Variants in MKLN1 observed in about 807,000 individuals in gnomAD.
MKLN1 encodes the protein muskelin.
MKLN1 carries 18 observed loss-of-function variants against 99.0 expected under a neutral mutation model. That is an observed-to-expected ratio of 0.18 (90% CI 0.13 to 0.27). The LOEUF is 0.27. MKLN1 is among the 10% of genes least tolerant of loss of function. The pLI is 1.00. For missense variants in MKLN1, 621 were observed against 875.9 expected, an observed-to-expected ratio of 0.71 and a Z score of 3.67; for synonymous variants, 288 against 293.2, an observed-to-expected ratio of 0.98 and a Z score of 0.18.
intron 10 of MKLN1, among the ~76,000 whole-genome samples, chr7:131,440,666 CAA>C (rs1482099975): frequency 2.6e-5 from 4 of 151,438 alleles, no homozygotes; most frequent in Non-Finnish European, 4.4e-5. Context: ...TAAGATAAAA[CAA>C]AGAGGTAAAA....
At chr7:131,386,544 T>C (rs1244149795) in intron 2 of MKLN1, among the ~76,000 whole-genome samples, 16 of 152,218 alleles carry the variant, frequency 1.1e-4, no homozygotes, top group Admixed American at 1.0e-3. Context: ...ATTTTTATAA[T>C]AGAGAACAGT....
intron 12 of MKLN1, among the ~76,000 whole-genome samples, chr7:131,449,217 C>T (rs550346353): frequency 6.6e-6 from 1 of 152,160 alleles, no homozygotes; most frequent in South Asian, 2.1e-4. Flanking sequence ...AGGAAGGAAC[C>T]TGGGATGTTC....
intron 3 of MKLN1, among the ~76,000 whole-genome samples, chr7:131,287,912 G>A (rs1798156979): frequency 6.6e-6 from 1 of 152,052 alleles, no homozygotes; most frequent in Non-Finnish European, 1.5e-5. Context: ...TCTCTCTCCT[G>A]ACGCCATGTG....
At chr7:131,383,601 A>C (rs936804033) in intron 2 of MKLN1, among the ~76,000 whole-genome samples, 6 of 152,228 alleles carry the variant, frequency 3.9e-5, no homozygotes, top group African/African-American at 1.2e-4. Context: ...TCAGATATAC[A>C]TAGATATAAA....
intron 9 of MKLN1, among the ~76,000 whole-genome samples, chr7:131,437,279 G>C (rs564405050): frequency 6.6e-6 from 1 of 151,952 alleles, no homozygotes; most frequent in African/African-American, 2.4e-5. Context: ...CTGTGTCCAA[G>C]TGATTAAACT....
At chr7:131,172,639 C>T (rs1236633613) in intron 2 of MKLN1, among the ~76,000 whole-genome samples, 1 of 152,046 alleles carries the variant, frequency 6.6e-6, no homozygotes, top group Non-Finnish European at 1.5e-5. Flanking sequence ...GATGAGCATA[C>T]CTGAAAACCT....
intron 3 of MKLN1, among the ~76,000 whole-genome samples, chr7:131,257,619 A>C (rs1411454333): frequency 6.6e-6 from 1 of 152,154 alleles, no homozygotes; most frequent in Non-Finnish European, 1.5e-5. Flanking sequence ...AACCAAGTGC[A>C]TTTGGGAGAA....
chr7:131,249,061 C>T (rs1014516933), intron 3 of MKLN1, among the ~76,000 whole-genome samples: 5 of 152,094 alleles, frequency 3.3e-5, no homozygotes, highest in African/African-American at 1.2e-4. Flanking sequence ...ACAATGATTC[C>T]AAATCTTGGA....
At chr7:131,192,109 T>TAATATATATATACGTATATATATAA (rs1554534675) in intron 2 of MKLN1, among the ~76,000 whole-genome samples, 1 of 80,332 alleles carries the variant, frequency 1.2e-5, no homozygotes, top group African/African-American at 6.0e-5. Flanking sequence ...TATATATATA[T>TAATATATATATACGTATATATATAA]TATATATATA....
chr7:131,245,194 A>AATGACATTTCGGTCATTATG (rs1797467463), intron 3 of MKLN1, among the ~76,000 whole-genome samples: 1 of 152,120 alleles, frequency 6.6e-6, no homozygotes, highest in Non-Finnish European at 1.5e-5. Context: ...GATACAGTCA[A>AATGACATTTCGGTCATTATG]GTGCTGCATA....
At chr7:131,136,419 A>G (rs927771124) in intron 1 of MKLN1, among the ~76,000 whole-genome samples, 1 of 152,244 alleles carries the variant, frequency 6.6e-6, no homozygotes, top group East Asian at 1.9e-4. Context: ...TTTGATGAAT[A>G]AGCAGGCTGT....
chr7:131,471,624 A>G (rs10229349), intron 16 of MKLN1: 7,699 of 152,114 alleles, frequency 0.051, 503 homozygotes, highest in African/African-American at 0.15. Flanking sequence ...TGTTTTTGTC[A>G]TTTTTTCCTT....
chr7:131,161,087 A>G (rs571201579), intron 2 of MKLN1, among the ~76,000 whole-genome samples: 103 of 152,260 alleles, frequency 6.8e-4, no homozygotes, highest in Non-Finnish European at 1.2e-3. Context: ...ATAGATGGGG[A>G]GTGACCATAA....
chr7:131,242,635 C>A, intron 3 of MKLN1: 1 of 550,332 alleles, frequency 1.8e-6, no homozygotes, highest in Non-Finnish European at 3.5e-6. Flanking sequence ...CTTGTTCTGG[C>A]TGGATGCTAT....
chr7:131,346,582 C>T (rs1584630928), intron 1 of MKLN1, among the ~76,000 whole-genome samples: 1 of 150,916 alleles, frequency 6.6e-6, no homozygotes, highest in Non-Finnish European at 1.5e-5. Flanking sequence ...ACCTTTGCAA[C>T]AATTATAAGG....
At chr7:131,172,398 C>A (rs1796229077) in intron 2 of MKLN1, among the ~76,000 whole-genome samples, 1 of 152,046 alleles carries the variant, frequency 6.6e-6, no homozygotes. Flanking sequence ...TCACTGGAAG[C>A]TCCACCTTCT....
chr7:131,305,565 G>A (rs1299653979), intron 3 of MKLN1, among the ~76,000 whole-genome samples: 3 of 152,084 alleles, frequency 2.0e-5, no homozygotes, highest in Non-Finnish European at 2.9e-5. Context: ...GGCTTTGTGG[G>A]GGTGACTCTT....
intron 2 of MKLN1, among the ~76,000 whole-genome samples, chr7:131,160,230 C>T (rs1280703108): frequency 2.0e-5 from 3 of 152,144 alleles, no homozygotes; most frequent in Admixed American, 1.3e-4. Context: ...AAGGTTCATC[C>T]ATATTGTATC....
chr7:131,261,789 A>G (rs936807123), intron 3 of MKLN1, among the ~76,000 whole-genome samples: 4 of 152,240 alleles, frequency 2.6e-5, no homozygotes, highest in African/African-American at 9.6e-5. Flanking sequence ...AATGTGGTAC[A>G]TCTACACTAT....
Sources: gnomAD v4.1 joint callset for allele counts (sites outside exome capture counted in the v4.1 genomes callset) on GRCh38, gnomAD v4.1.1 for gene constraint, MANE v1.5 for transcripts, NCBI Gene and HGNC (gene_info 2026-07-23, HGNC 2026-07-21) for gene names.